The following CEP162 variants were observed in gnomAD, a reference collection of about 807,000 sequenced individuals.
CEP162 encodes the protein centrosomal protein 162.
A neutral mutation model predicts 169.2 loss-of-function variants in CEP162; 141 were observed. The observed-to-expected ratio is 0.83, with a 90% CI of 0.73 to 0.96. CEP162 has a LOEUF of 0.96. CEP162 is among the 40% of genes least tolerant of loss of function. The probability of loss-of-function intolerance (pLI) is 0.00; values close to 1 mark genes in which losing one functional copy is unlikely to be tolerated. For missense variants in CEP162, 1,600 were observed against 1,587.2 expected (o/e 1.01, Z -0.14); for synonymous variants, 540 against 526.4 (o/e 1.03, Z -0.35).
chr6:84,215,654 C>G, intron 4 of CEP162, 122 bp downstream of exon 4: 3 of 1,335,158 alleles, frequency 2.2e-6, no homozygotes, highest in East Asian at 5.1e-5. Flanking sequence ...TTCTAAACCT[C>G]TAGGAAGATA....
At chr6:84,212,593 TAGAA>T (rs1287307570) in intron 6 of CEP162, among the ~76,000 whole-genome samples, 4 of 151,390 alleles carry the variant, frequency 2.6e-5, no homozygotes, top group African/African-American at 9.7e-5. Context: ...AGTAATACAA[TAGAA>T]GGAAGGACAA....
At chr6:84,198,517 T>C (rs2099543101) in intron 9 of CEP162, among the ~76,000 whole-genome samples, 1 of 152,154 alleles carries the variant, frequency 6.6e-6, no homozygotes, top group Non-Finnish European at 1.5e-5. Flanking sequence ...TGACCTCAGG[T>C]GATCTGCCCG....
At chr6:84,218,528 TA>T (rs1418100381) in intron 3 of CEP162, among the ~76,000 whole-genome samples, 1 of 152,252 alleles carries the variant, frequency 6.6e-6, no homozygotes, top group Admixed American at 6.5e-5. Context: ...AGTAATGTTT[TA>T]TTTTTGTTTT....
At chr6:84,143,878 A>G (rs2067771928) in intron 25 of CEP162, among the ~76,000 whole-genome samples, 1 of 151,998 alleles carries the variant, frequency 6.6e-6, no homozygotes, top group African/African-American at 2.4e-5. Flanking sequence ...TTTGTGTTTT[A>G]GTAAAATAAC....
chr6:84,203,018 CAA>C (rs986815017), intron 7 of CEP162, among the ~76,000 whole-genome samples: 40 of 152,186 alleles, frequency 2.6e-4, no homozygotes, highest in African/African-American at 9.4e-4. Context: ...CACACAGTAC[CAA>C]AGAGACTGTG....
chr6:84,226,240 T>C, intron 2 of CEP162, 97 bp downstream of exon 2: 1 of 800,518 alleles, frequency 1.2e-6, no homozygotes, highest in East Asian at 2.7e-5. Flanking sequence ...AATTCAGAGT[T>C]TGGTGATGGA....
chr6:84,179,669 A>C lies in CEP162; in HGVS notation c.1664-4322T>G, dbSNP rs1163667876. Among the ~76,000 whole-genome samples, 8 of 152,070 alleles carry C rather than the reference A, an allele frequency of 5.3e-5. No individual in the cohort carries two copies. The East Asian group carries it at 1.5e-3, about 29-fold the overall frequency. The stretch of plus-strand genomic sequence containing the variant: ...TGCTGTGCAGAAGCTCTTTAATTAG[A>C]TATCCCACAGAAATACAAACTACCA... On this transcript the variant is annotated intron_variant, in intron 13 of 26. Coordinates refer to ENST00000403245, the MANE Select transcript of CEP162 (RefSeq NM_014895.4).
At chr6:84,157,437 C>G (rs2099523662) in intron 21 of CEP162, among the ~76,000 whole-genome samples, 1 of 152,094 alleles carries the variant, frequency 6.6e-6, no homozygotes, top group Non-Finnish European at 1.5e-5. Flanking sequence ...TTTGGGAAGC[C>G]AAGGCGGGTG....
chr6:84,223,073 T>C (rs1435767812), intron 2 of CEP162, among the ~76,000 whole-genome samples: 2 of 152,144 alleles, frequency 1.3e-5, no homozygotes, highest in Admixed American at 1.3e-4. Context: ...ACTGACCTTG[T>C]AGGGCCATGA....
chr6:84,191,277 A>G (rs1336555741), intron 11 of CEP162, among the ~76,000 whole-genome samples: 3 of 152,348 alleles, frequency 2.0e-5, no homozygotes, highest in Admixed American at 2.0e-4. Context: ...TCAACCTAAA[A>G]TTCACTTCAG....
intron 6 of CEP162, among the ~76,000 whole-genome samples, chr6:84,208,019 ATTTTT>A (rs375738078): frequency 1.4e-3 from 190 of 132,872 alleles, no homozygotes; most frequent in African/African-American, 4.9e-3. Context: ...AGGTTGATTG[ATTTTT>A]TTTTTTTTTT....
intron 25 of CEP162, among the ~76,000 whole-genome samples, chr6:84,129,074 C>G (rs1276796233): frequency 6.6e-6 from 1 of 152,148 alleles, no homozygotes; most frequent in African/African-American, 2.4e-5. Context: ...GCCACATTGT[C>G]TTTATCCAAT....
chr6:84,200,873 C>T lies in CEP162; in HGVS notation c.751G>A (p.Glu251Lys). The stretch of plus-strand genomic sequence containing the variant: ...TTATCTTGTTCATCAAGATTGACCT[C>T]TGCAACAGAGTCTAATGAATCAAGC... ...VLLDSLDSVA[E>K]VNLDEQDKIT... The change falls in exon 9 of 27, where the codon GAG (glutamate) becomes AAG (lysine). Residue 251 changes from glutamate to lysine, a missense_variant. By Grantham distance (56) the Glu-to-Lys change is moderately conservative. Coordinates refer to ENST00000403245, the MANE Select transcript of CEP162 (RefSeq NM_014895.4). 1 of 1,610,260 alleles carries T rather than the reference C, an allele frequency of 6.2e-7. No homozygotes were observed. Among genetic ancestry groups the T allele is most frequent in the Non-Finnish European group, 8.5e-7 (1 of 1,176,878 alleles).
At position 84,175,294 on chromosome 6, in the gene CEP162, G is replaced by A. The variant is rs1367745050; in HGVS notation, c.1717C>T (p.His573Tyr). ...GTAGACAGGCAACTTTCAGTTTTGT[G>A]AGCTGGTTTATCCAAAGCTGCAGGC... ...IKPAALDKPA[H>Y]KTESCLSTRK... Residue 573 changes from histidine (H) to tyrosine (Y), a missense_variant, in exon 14 of 27, where the codon CAC (histidine) becomes TAC (tyrosine). His to Tyr is a moderately conservative substitution (Grantham distance 83). Coordinates refer to ENST00000403245, the MANE Select transcript of CEP162 (RefSeq NM_014895.4). 1 of 1,546,876 alleles carries A rather than the reference G, an allele frequency of 6.5e-7. No homozygotes were observed. Among genetic ancestry groups the A allele is most frequent in the Non-Finnish European group, 8.7e-7 (1 of 1,144,292 alleles).
At chr6:84,153,917 G>A (rs1017691205) in intron 22 of CEP162, among the ~76,000 whole-genome samples, 71 of 152,120 alleles carry the variant, frequency 4.7e-4, no homozygotes, top group African/African-American at 1.7e-3. Flanking sequence ...CAGAGGAGGC[G>A]ACGCTGCCCT....
chr6:84,179,991 T>G (rs2129226891), intron 13 of CEP162, among the ~76,000 whole-genome samples: 1 of 152,278 alleles, frequency 6.6e-6, no homozygotes, highest in Middle Eastern at 3.4e-3. Context: ...CTAACTCATT[T>G]TATGAGGTCA....
chr6:84,165,210 A>G (rs529290138), intron 18 of CEP162, among the ~76,000 whole-genome samples: 72 of 152,062 alleles, frequency 4.7e-4, no homozygotes, highest in African/African-American at 1.7e-3. Flanking sequence ...CCTGGCCCCC[A>G]GGCACACAGT....
chr6:84,167,206 G>T (rs1430652924), intron 18 of CEP162, among the ~76,000 whole-genome samples: 1 of 152,062 alleles, frequency 6.6e-6, no homozygotes, highest in Non-Finnish European at 1.5e-5. Context: ...TAATATTTGT[G>T]ATACTTTACA....
intron 13 of CEP162, among the ~76,000 whole-genome samples, chr6:84,184,937 T>C (rs936239168): frequency 4.5e-4 from 69 of 151,926 alleles, no homozygotes; most frequent in African/African-American, 1.6e-3. Flanking sequence ...TCCAGCTGAG[T>C]GTAACTCCAT....
Sources: allele counts gnomAD v4.1 joint callset (sites outside exome capture counted in the v4.1 genomes callset), GRCh38; gene constraint gnomAD v4.1.1; transcripts MANE v1.5; gene names NCBI Gene and HGNC (gene_info 2026-07-23, HGNC 2026-07-21).